Variants in GAS2L3 observed in about 807,000 individuals in gnomAD.
GAS2L3 encodes growth arrest specific 2 like 3.
GAS2L3 carries 28 observed loss-of-function variants against 37.0 expected under a neutral mutation model. That is an observed-to-expected ratio of 0.76 (90% CI 0.56 to 1.04). The LOEUF (loss-of-function observed/expected upper bound fraction) is 1.04, where lower values mean the gene tolerates loss of function less well. Ranked by LOEUF, GAS2L3 falls within the 50% of genes least tolerant of loss-of-function variation. The pLI is 0.00. For synonymous variants in GAS2L3, 290 were observed against 296.6 expected (o/e 0.98, Z 0.23); for missense variants, 793 against 817.6 (o/e 0.97, Z 0.37).
At chr12:100,621,141 A>G (rs1344074654) in intron 8 of GAS2L3, among the ~76,000 whole-genome samples, 1 of 152,132 alleles carries the variant, frequency 6.6e-6, no homozygotes, top group Non-Finnish European at 1.5e-5. Flanking sequence ...GTGCTCAGCT[A>G]AATTAGGCCT....
chr12:100,601,867 A>G (rs191176508), intron 5 of GAS2L3, 114 bp downstream of exon 5: 46 of 500,286 alleles, frequency 9.2e-5, no homozygotes, highest in African/African-American at 8.1e-4. Context: ...GAGATGTTGA[A>G]TAATTTACTT....
rs1474672927 is a variant in GAS2L3, at chr12:100,621,903, G to GAGAGAGAGAGAGAA, written c.649-367_649-366insGAGAGAGAAAGAGA. Among the ~76,000 whole-genome samples, 51 of 150,726 alleles carry GAGAGAGAGAGAGAA rather than the reference G, an allele frequency of 3.4e-4. No homozygotes were observed. The East Asian group carries it at 6.0e-3, about 18-fold the overall frequency. On this transcript the variant is annotated intron_variant, in intron 8 of 9. Coordinates refer to ENST00000547754, the MANE Select transcript of GAS2L3 (RefSeq NM_174942.3). ...GGGGGGAGAGAGAGAGAGAGAGAGAGAGAGAAAGAGAGAGAGAGAGGCACT... is the reference window on the plus strand; with the variant it reads ...GGGGGGAGAGAGAGAGAGAGAGAGAGAGAGAGAGAGAGAAAGAGAAAGAGAGAGAGAGAGGCACT...
chr12:100,592,875 C>T (rs1441586651), intron 2 of GAS2L3, among the ~76,000 whole-genome samples: 1 of 151,390 alleles, frequency 6.6e-6, no homozygotes, highest in African/African-American at 2.4e-5. Context: ...GACAGAAAGA[C>T]AAAAACAAAA....
At chr12:100,590,711 C>G (rs1471733207) in intron 1 of GAS2L3, among the ~76,000 whole-genome samples, 1 of 152,044 alleles carries the variant, frequency 6.6e-6, no homozygotes, top group Admixed American at 6.6e-5. Flanking sequence ...TGCACTCCCC[C>G]CCACCATATA....
At chr12:100,587,214 C>G (rs1955792338) in intron 1 of GAS2L3, among the ~76,000 whole-genome samples, 1 of 152,158 alleles carries the variant, frequency 6.6e-6, no homozygotes, top group Non-Finnish European at 1.5e-5. Flanking sequence ...GGAACCCTCC[C>G]CAACTCATTC....
chr12:100,585,909 A>AC (rs1955775610), intron 1 of GAS2L3, among the ~76,000 whole-genome samples: 1 of 151,052 alleles, frequency 6.6e-6, no homozygotes, highest in Admixed American at 6.6e-5. Context: ...CACCTTTTCT[A>AC]CCCCTACTTG....
In GAS2L3 at chr12:100,623,872, C is replaced by T; in HGVS notation, c.1067C>T (p.Ala356Val). 5 of 1,614,020 alleles carry T rather than the reference C, an allele frequency of 3.1e-6. No individual in the cohort carries two copies. The highest frequency in any genetic ancestry group is 4.2e-6 in the Non-Finnish European group (5 of 1,179,954). ...QGRPPGALVPASSLKGGNLGS... is the reference protein window; with the variant it reads ...QGRPPGALVPVSSLKGGNLGS... ...CGTCCACCAGGTGCATTGGTGCCAG[C>T]ATCTTCACTGAAAGGAGGTAATCTG... The change falls in exon 10 of 10, where the codon GCA (alanine) becomes GTA (valine). Residue 356 changes from alanine to valine, a missense_variant. By Grantham distance (64) the Ala-to-Val change is moderately conservative. Transcript: ENST00000547754.
At chr12:100,583,198 C>A (rs1221143593) in intron 1 of GAS2L3, among the ~76,000 whole-genome samples, 8 of 152,236 alleles carry the variant, frequency 5.3e-5, no homozygotes. Context: ...ACTCCTGGGA[C>A]TACATTGGGT....
chr12:100,604,657 A>G (rs1680210938), intron 5 of GAS2L3, among the ~76,000 whole-genome samples: 2 of 151,954 alleles, frequency 1.3e-5, no homozygotes, highest in Admixed American at 6.6e-5. Flanking sequence ...GAAAGTGGGC[A>G]TCCTTGTTGT....
intron 1 of GAS2L3, among the ~76,000 whole-genome samples, chr12:100,586,237 T>C (rs768402563): frequency 3.3e-5 from 5 of 152,164 alleles, no homozygotes; most frequent in Non-Finnish European, 7.3e-5. Flanking sequence ...TTAACAGATA[T>C]ATACAGAACA....
Position 100,601,680 on chromosome 12 carries a change from A to G in GAS2L3, c.230A>G (p.Asn77Ser), listed in dbSNP as rs1225589332. The G allele has an allele frequency of 1.2e-6, 2 of 1,602,070 alleles. No homozygotes were observed. Among genetic ancestry groups the G allele is most frequent in the Admixed American group, 1.7e-5 (1 of 59,460 alleles). ...KAEKLLEELD[N>S]GVLLCQLIDV... ...GAAAAATTATTGGAAGAACTTGATA[A>G]TGGAGTACTATTATGTCAACTGATT... Residue 77 changes from asparagine (N) to serine (S), a missense_variant, in exon 5 of 10, where the codon AAT becomes AGT. Coordinates refer to ENST00000547754, the MANE Select transcript of GAS2L3 (RefSeq NM_174942.3).
At chr12:100,590,259 C>A (rs1335292113) in intron 1 of GAS2L3, among the ~76,000 whole-genome samples, 2 of 151,994 alleles carry the variant, frequency 1.3e-5, no homozygotes, top group Non-Finnish European at 2.9e-5. Context: ...GGGCTAAGGA[C>A]ATGAATAGAC....
chr12:100,609,541 G>C (rs1257667497), intron 5 of GAS2L3, among the ~76,000 whole-genome samples: 2 of 152,060 alleles, frequency 1.3e-5, no homozygotes, highest in Admixed American at 6.5e-5. Flanking sequence ...AGCCACCCTG[G>C]TTGATGTCTC....
intron 5 of GAS2L3, 105 bp from the exon 6 acceptor site, chr12:100,611,895 T>C: frequency 2.7e-6 from 2 of 752,100 alleles, no homozygotes; most frequent in South Asian, 3.4e-5. Context: ...TGTGTACTTT[T>C]TGGTTACAGG....
At chr12:100,597,438 G>A (rs11110432) in intron 3 of GAS2L3, among the ~76,000 whole-genome samples, 11,328 of 151,892 alleles carry the variant, frequency 0.075, 580 homozygotes, top group South Asian at 0.18. Flanking sequence ...TTAGTAAAGC[G>A]TTACTGTACT....
At chr12:100,593,774 G>A (rs560994798) in intron 2 of GAS2L3, 24 of 152,198 alleles carry the variant, frequency 1.6e-4, no homozygotes, top group Admixed American at 1.5e-3. Context: ...CTCGTGGGAA[G>A]CATAACAAGC....
intron 1 of GAS2L3, among the ~76,000 whole-genome samples, chr12:100,574,597 T>A (rs558547981): frequency 4.2e-4 from 64 of 152,270 alleles, no homozygotes; most frequent in African/African-American, 1.5e-3. Flanking sequence ...TAAATTTGAG[T>A]GCTTTGTGGC....
At chr12:100,615,834 T>C (rs992654647) in intron 6 of GAS2L3, among the ~76,000 whole-genome samples, 4 of 152,202 alleles carry the variant, frequency 2.6e-5, no homozygotes, top group African/African-American at 7.2e-5. Context: ...TCATTTCCAT[T>C]CCATTGGTCT....
chr12:100,604,258 T>A (rs2136484439), intron 5 of GAS2L3, among the ~76,000 whole-genome samples: 1 of 152,212 alleles, frequency 6.6e-6, no homozygotes, highest in South Asian at 2.1e-4. Context: ...CATTTTTTGG[T>A]GTCCTCTTCA....
Sources: gnomAD v4.1 joint callset for allele counts (sites outside exome capture counted in the v4.1 genomes callset) on GRCh38, gnomAD v4.1.1 for gene constraint, MANE v1.5 for transcripts, NCBI Gene and HGNC (gene_info 2026-07-23, HGNC 2026-07-21) for gene names.